The following PIP4K2A variants were observed in gnomAD, a reference collection of about 807,000 sequenced individuals.
PIP4K2A encodes phosphatidylinositol 5-phosphate 4-kinase type-2 alpha.
PIP4K2A carries 14 observed loss-of-function variants against 42.9 expected under a neutral mutation model. That is an observed-to-expected ratio of 0.33 (90% confidence interval 0.22 to 0.51). The LOEUF is 0.51. Among genes scored for constraint, PIP4K2A ranks in the 20% least tolerant of loss-of-function variants. The probability of loss-of-function intolerance (pLI) is 0.97; values close to 1 mark genes in which losing one functional copy is unlikely to be tolerated. For synonymous variants in PIP4K2A, 192 were observed against 192.2 expected, an observed-to-expected ratio of 1.00 and a Z score of 0.01; for missense variants, 434 against 519.8, an observed-to-expected ratio of 0.83 and a Z score of 1.61.
chr10:22,630,240 G>T (rs920507064), intron 1 of PIP4K2A, among the ~76,000 whole-genome samples: 1 of 151,748 alleles, frequency 6.6e-6, no homozygotes, highest in Non-Finnish European at 1.5e-5. Context: ...GAGGGCTGGG[G>T]TTTCATATCA....
intron 1 of PIP4K2A, among the ~76,000 whole-genome samples, chr10:22,668,686 A>G (rs561396611): frequency 1.3e-5 from 2 of 152,338 alleles, no homozygotes; most frequent in East Asian, 1.9e-4. Context: ...TGTAAATGAA[A>G]TACTATGCAT....
chr10:22,619,614 T>A (rs1442352380), intron 1 of PIP4K2A, among the ~76,000 whole-genome samples: 4 of 152,056 alleles, frequency 2.6e-5, no homozygotes, highest in Admixed American at 2.0e-4. Context: ...TTTTTGTATT[T>A]TTAGTAGAGA....
At chr10:22,583,836 C>A (rs535180321) in intron 4 of PIP4K2A, among the ~76,000 whole-genome samples, 1 of 152,184 alleles carries the variant, frequency 6.6e-6, no homozygotes, top group East Asian at 1.9e-4. Context: ...TGAGCGTGTA[C>A]GGTCTGCAGA....
intron 2 of PIP4K2A, among the ~76,000 whole-genome samples, chr10:22,608,307 G>C (rs1322254374): frequency 6.6e-6 from 1 of 152,174 alleles, no homozygotes; most frequent in East Asian, 1.9e-4. Context: ...CAAGAGGTGG[G>C]GAAGGAACGG....
rs1837041500 is a variant in PIP4K2A, at chr10:22,573,611, C to T, written c.493-154G>A. ...AAAATGACCACATTTGTACTGCTTA[C>T]CAATCACATCTGTGTTCACCATCTC... On this transcript the variant is annotated intron_variant, in intron 4 of 9. Coordinates refer to ENST00000376573, the MANE Select transcript of PIP4K2A (RefSeq NM_005028.5). 2.0e-5 allele frequency among the ~76,000 whole-genome samples: 3 copies of T among 152,056 alleles called. No homozygotes were observed. In the South Asian group the frequency reaches 6.2e-4, roughly 32 times the overall value.
chr10:22,582,909 AAAAGT>A (rs1174653788), intron 4 of PIP4K2A, among the ~76,000 whole-genome samples: 2 of 151,038 alleles, frequency 1.3e-5, no homozygotes, highest in African/African-American at 4.9e-5. Context: ...AAAAAAAAAA[AAAAGT>A]AAGGATGACT....
intron 1 of PIP4K2A, among the ~76,000 whole-genome samples, chr10:22,669,612 T>C (rs1442848956): frequency 6.6e-6 from 1 of 152,102 alleles, no homozygotes; most frequent in African/African-American, 2.4e-5. Flanking sequence ...CAGCTGAGGC[T>C]ATGGACACCG....
intron 1 of PIP4K2A, among the ~76,000 whole-genome samples, chr10:22,664,568 C>T (rs1314011910): frequency 1.3e-5 from 2 of 151,558 alleles, no homozygotes; most frequent in African/African-American, 4.8e-5. Context: ...GAAGTTTTCG[C>T]TCTTATGTGG....
chr10:22,586,100 C>A (rs1054547568), intron 4 of PIP4K2A, among the ~76,000 whole-genome samples: 1 of 152,104 alleles, frequency 6.6e-6, no homozygotes. Context: ...TTATAGGATC[C>A]GAGTTTCTTA....
intron 4 of PIP4K2A, among the ~76,000 whole-genome samples, chr10:22,586,689 C>A (rs570213975): frequency 7.9e-5 from 12 of 152,132 alleles, no homozygotes; most frequent in African/African-American, 2.4e-4. Context: ...TGCCATCATG[C>A]CTGGCTAATT....
Position 22,560,383 on chromosome 10 carries a change from T to C in PIP4K2A, c.678+7468A>G, listed in dbSNP as rs567992454. 1.4e-3 allele frequency among the ~76,000 whole-genome samples: 208 copies of C among 152,302 alleles called. 2 individuals carry two copies. The highest frequency in any genetic ancestry group is 8.4e-4 in the Non-Finnish European group (57 of 68,032). On this transcript the variant is annotated intron_variant, in intron 6 of 9. Coordinates refer to ENST00000376573, the MANE Select transcript of PIP4K2A (RefSeq NM_005028.5). Reference sequence around the variant, plus strand: ...TTCAATGGCAGCCCAGATGACCAGATAGGGGTAGTAATTAATTATAATTTG... The same window carrying C: ...TTCAATGGCAGCCCAGATGACCAGACAGGGGTAGTAATTAATTATAATTTG...
intron 4 of PIP4K2A, among the ~76,000 whole-genome samples, chr10:22,585,015 C>G (rs1033135349): frequency 6.6e-6 from 1 of 152,148 alleles, no homozygotes; most frequent in African/African-American, 2.4e-5. Context: ...TCCACAGACT[C>G]CCCGACAGCC....
At chr10:22,664,228 T>TATACATATATATACACAC (rs1554807358) in intron 1 of PIP4K2A, among the ~76,000 whole-genome samples, 3 of 89,886 alleles carry the variant, frequency 3.3e-5, no homozygotes, top group African/African-American at 1.8e-4. Flanking sequence ...CATATATATA[T>TATACATATATATACACAC]ACACACACAC....
Position 22,537,160 on chromosome 10 carries a change from G to A in PIP4K2A, c.*41C>T. 6.7e-7 allele frequency: 1 copy of A among 1,492,800 alleles called. No individual in the cohort carries two copies. The allele number at this position is 1,492,800 out of a possible 1,614,324, so 92.5% of individuals were successfully genotyped here. ...TTTTTCCTACACCGAAGCCACCTCT[G>A]TCCATCCAATGTTCATGTCTGTCCG... is the stretch of plus-strand genomic sequence containing the variant. On this transcript the variant is annotated 3_prime_UTR_variant, in exon 10 of 10. Transcript: ENST00000376573.
chr10:22,584,741 C>T (rs973182594), intron 4 of PIP4K2A, among the ~76,000 whole-genome samples: 1 of 152,164 alleles, frequency 6.6e-6, no homozygotes, highest in Non-Finnish European at 1.5e-5. Context: ...AGAAGCAAGA[C>T]GTGTCCGCAG....
At position 22,627,591 on chromosome 10, in the gene PIP4K2A, T is replaced by TAAAAAAAAAAAAAAAAAAAAAAAAAAAAA. The variant is rs57671642; in HGVS notation, c.145-17903_145-17875dup. Among the ~76,000 whole-genome samples the TAAAAAAAAAAAAAAAAAAAAAAAAAAAAA allele has an allele frequency of 3.9e-4, 22 of 57,032 alleles. 4 individuals are homozygous for TAAAAAAAAAAAAAAAAAAAAAAAAAAAAA. Among genetic ancestry groups the TAAAAAAAAAAAAAAAAAAAAAAAAAAAAA allele is most frequent in the East Asian group, 1.9e-3 (2 of 1,042 alleles). The allele number at this position is 57,032 out of a possible 152,430, so 37.4% of individuals were successfully genotyped here. A position where few individuals can be genotyped will look rare whatever the true frequency, so the allele number is the denominator to read the frequency against. ...TGTTTAACCAAAAGCTAATATGTAA[T>TAAAAAAAAAAAAAAAAAAAAAAAAAAAAA]AAAAAAAAAAAAAAAAAAAAAAAAA... On this transcript the variant is annotated intron_variant, in intron 1 of 9. Transcript: ENST00000376573.
chr10:22,705,426 TAAAAAAAAAAAAAAAAAAAAAAAA>T (rs150254345), intron 1 of PIP4K2A, among the ~76,000 whole-genome samples: 4 of 29,276 alleles, frequency 1.4e-4, no homozygotes, highest in South Asian at 4.0e-3. Context: ...GTACCCCAGT[TAAAAAAAAAAAAAAAAAAAAAAAA>T]AAAAAAAAAA....
chr10:22,617,686 C>A (rs1304721293), intron 1 of PIP4K2A, among the ~76,000 whole-genome samples: 2 of 152,232 alleles, frequency 1.3e-5, no homozygotes, highest in African/African-American at 2.4e-5. Flanking sequence ...TTGTGTGGAG[C>A]CCCTGTTGGG....
intron 1 of PIP4K2A, among the ~76,000 whole-genome samples, chr10:22,633,548 T>C (rs1838599328): frequency 6.6e-6 from 1 of 151,920 alleles, no homozygotes; most frequent in African/African-American, 2.4e-5. Context: ...GGCTGGAACT[T>C]TGGGGTGCTC....
Sources: gnomAD v4.1 joint callset for allele counts (sites outside exome capture counted in the v4.1 genomes callset) on GRCh38, gnomAD v4.1.1 for gene constraint, MANE v1.5 for transcripts, NCBI Gene and HGNC (gene_info 2026-07-23, HGNC 2026-07-21) for gene names.